SLC24A2: variants seen among roughly 807,000 people sequenced by gnomAD.
SLC24A2 encodes solute carrier family 24 member 2, also known as sodium/potassium/calcium exchanger 2.
In SLC24A2, 36 loss-of-function variants were observed where a neutral mutation model predicts 62.0. The ratio of observed to expected loss-of-function variants is 0.58; its 90% CI spans 0.44 to 0.77. SLC24A2 has a LOEUF of 0.77. Ranked by LOEUF, SLC24A2 falls within the 30% of genes least tolerant of loss-of-function variation. SLC24A2 has a pLI of 0.00. For missense variants in SLC24A2, 846 were observed against 817.9 expected, an observed-to-expected ratio of 1.03 and a Z score of -0.42; for synonymous variants, 358 against 294.0, an observed-to-expected ratio of 1.22 and a Z score of -2.23.
intron 2 of SLC24A2, among the ~76,000 whole-genome samples, chr9:19,681,866 T>C (rs1220509789): frequency 6.6e-6 from 1 of 152,192 alleles, no homozygotes; most frequent in Non-Finnish European, 1.5e-5. Context: ...TAGAGACTCA[T>C]TCAATTAACC....
chr9:20,297,560 T>C, the SLC24A2 span, among the ~76,000 whole-genome samples: 2 of 152,338 alleles, frequency 1.3e-5, no homozygotes, highest in South Asian at 2.1e-4. Flanking sequence ...TGGACCCACC[T>C]GCCTCAGGGA....
chr9:19,647,228 T>G (rs560957939), intron 2 of SLC24A2, among the ~76,000 whole-genome samples: 2 of 142,424 alleles, frequency 1.4e-5, no homozygotes, highest in South Asian at 4.3e-4. Context: ...GACATCTATG[T>G]ATCCCCCATA....
At chr9:19,907,416 C>T in the SLC24A2 span, among the ~76,000 whole-genome samples, 1 of 152,160 alleles carries the variant, frequency 6.6e-6, no homozygotes, top group Non-Finnish European at 1.5e-5. Context: ...AAAACTGGCA[C>T]AAGACAGGGA....
At chr9:19,962,327 G>A in the SLC24A2 span, among the ~76,000 whole-genome samples, 2 of 152,180 alleles carry the variant, frequency 1.3e-5, no homozygotes, top group African/African-American at 4.8e-5. Context: ...TTTTAGCTTA[G>A]GATTGACTTG....
chr9:19,971,643 G>A, the SLC24A2 span, among the ~76,000 whole-genome samples: 2 of 152,112 alleles, frequency 1.3e-5, no homozygotes, highest in African/African-American at 4.8e-5. Context: ...CTGGGCAGGA[G>A]CATTTGTCTA....
chr9:20,216,177 T>G, the SLC24A2 span, among the ~76,000 whole-genome samples: 1 of 152,254 alleles, frequency 6.6e-6, no homozygotes, highest in Non-Finnish European at 1.5e-5. Context: ...GTCAGTCTAA[T>G]GCAAAATACG....
intron 2 of SLC24A2, among the ~76,000 whole-genome samples, chr9:19,688,482 G>A (rs1587154882): frequency 6.6e-6 from 1 of 152,042 alleles, no homozygotes; most frequent in Admixed American, 6.6e-5. Flanking sequence ...TAGTCACTGG[G>A]GTATACGGAA....
chr9:19,834,218 G>T, the SLC24A2 span, among the ~76,000 whole-genome samples: 1 of 152,166 alleles, frequency 6.6e-6, no homozygotes, highest in Non-Finnish European at 1.5e-5. Flanking sequence ...GAACAAAGCT[G>T]GATGGAGAAT....
the SLC24A2 span, among the ~76,000 whole-genome samples, chr9:19,971,473 G>T: frequency 6.6e-6 from 1 of 152,160 alleles, no homozygotes; most frequent in African/African-American, 2.4e-5. Context: ...CAGACTGGTA[G>T]GCCTGTATGG....
chr9:19,775,487 A>C (rs1021649576), intron 2 of SLC24A2, among the ~76,000 whole-genome samples: 2 of 152,228 alleles, frequency 1.3e-5, no homozygotes, highest in Non-Finnish European at 2.9e-5. Context: ...AGAAATCTGC[A>C]TTGGTCAGAG....
the SLC24A2 span, among the ~76,000 whole-genome samples, chr9:20,031,203 C>G: frequency 1.3e-5 from 2 of 150,258 alleles, no homozygotes; most frequent in Non-Finnish European, 3.0e-5. Context: ...AAGAGAATTG[C>G]TTTACTTTGC....
chr9:19,618,579 C>T (rs891301816), intron 4 of SLC24A2, among the ~76,000 whole-genome samples: 1 of 152,196 alleles, frequency 6.6e-6, no homozygotes, highest in Non-Finnish European at 1.5e-5. Flanking sequence ...GGGAGCCACT[C>T]TTGGGTCACA....
the SLC24A2 span, among the ~76,000 whole-genome samples, chr9:20,163,675 T>A: frequency 6.6e-6 from 1 of 151,766 alleles, no homozygotes; most frequent in Non-Finnish European, 1.5e-5. Flanking sequence ...CATCACCAAG[T>A]CAATCCTAAG....
chr9:20,208,822 G>A, the SLC24A2 span, among the ~76,000 whole-genome samples: 4 of 152,166 alleles, frequency 2.6e-5, no homozygotes, highest in Non-Finnish European at 5.9e-5. Flanking sequence ...CCTCCTTAAT[G>A]GCTGCCTCCA....
the SLC24A2 span, among the ~76,000 whole-genome samples, chr9:19,956,537 G>C: frequency 1.3e-5 from 2 of 152,146 alleles, no homozygotes; most frequent in Admixed American, 1.3e-4. Context: ...ACAGTTCCAC[G>C]TGGCTGGGGA....
At chr9:20,302,774 TTGG>T in the SLC24A2 span, among the ~76,000 whole-genome samples, 12 of 152,202 alleles carry the variant, frequency 7.9e-5, no homozygotes, top group African/African-American at 2.9e-4. Flanking sequence ...GATTGTGCCT[TTGG>T]TGGTGTTGTC....
chr9:20,303,460 A>G, the SLC24A2 span, among the ~76,000 whole-genome samples: 42 of 152,272 alleles, frequency 2.8e-4, no homozygotes, highest in African/African-American at 9.4e-4. Flanking sequence ...TTTAAATCCC[A>G]CAAGTCTGTT....
At chr9:20,094,347 A>T in the SLC24A2 span, among the ~76,000 whole-genome samples, 2 of 152,218 alleles carry the variant, frequency 1.3e-5, no homozygotes, top group Admixed American at 6.5e-5. Context: ...TAAATTAAAC[A>T]ATTATTTGTC....
chr9:19,662,995 C>T (rs186605237), intron 2 of SLC24A2, among the ~76,000 whole-genome samples: 3 of 152,276 alleles, frequency 2.0e-5, no homozygotes, highest in East Asian at 1.9e-4. Context: ...CTAAACAAAA[C>T]GTCAGTTGAT....
Sources: allele counts gnomAD v4.1 joint callset (sites outside exome capture counted in the v4.1 genomes callset), GRCh38; gene constraint gnomAD v4.1.1; transcripts MANE v1.5; gene names NCBI Gene and HGNC (gene_info 2026-07-23, HGNC 2026-07-21).